Variants in FHIP1A observed in about 807,000 individuals in gnomAD.
FHIP1A encodes the protein FHF complex subunit HOOK-interacting protein 1A.
FHIP1A carries 61 observed loss-of-function variants against 88.6 expected under a neutral mutation model. The observed-to-expected ratio is 0.69, with a 90% CI of 0.56 to 0.85. The LOEUF (loss-of-function observed/expected upper bound fraction) is 0.85, where lower values mean the gene tolerates loss of function less well. FHIP1A is among the 40% of genes least tolerant of loss of function. The pLI is 0.00. For synonymous variants in FHIP1A, 478 were observed against 496.0 expected (o/e 0.96, Z 0.48); for missense variants, 1,154 against 1,273.5 (o/e 0.91, Z 1.43).
rs1287764048 is a variant in FHIP1A, at chr4:151,511,275, A to G, written c.-123+28627A>G. Among the ~76,000 whole-genome samples, 3 of 152,234 alleles carry G rather than the reference A, an allele frequency of 2.0e-5. No individual in the cohort carries two copies. In the East Asian group the frequency reaches 5.8e-4, roughly 29 times the overall value. ...TATTCGTCCATGGGGTAGAGTTAAA[A>G]TATTCATGAAATGCAATCCCGAGGT... On this transcript the variant is annotated intron_variant, in intron 3 of 13. Transcript: ENST00000435205.
At chr4:151,620,606 G>A (rs1735702233) in intron 7 of FHIP1A, among the ~76,000 whole-genome samples, 1 of 152,082 alleles carries the variant, frequency 6.6e-6, no homozygotes, top group African/African-American at 2.4e-5. Flanking sequence ...TAGGCACAGA[G>A]TAAATTTTCA....
At chr4:151,445,845 TTAAAATATATATATATATATA>T (rs1310462516) in intron 1 of FHIP1A, among the ~76,000 whole-genome samples, 1 of 129,750 alleles carries the variant, frequency 7.7e-6, no homozygotes, top group Non-Finnish European at 1.6e-5. Context: ...ACCTCATCTC[TTAAAATATATATATATATATA>T]TATATATTTC....
chr4:151,614,273 A>G (rs116355542), intron 7 of FHIP1A, among the ~76,000 whole-genome samples: 1,907 of 152,178 alleles, frequency 0.013, 39 homozygotes, highest in African/African-American at 0.044. Flanking sequence ...GTTTAAGACC[A>G]TCCTGGGCAA....
Position 151,526,380 on chromosome 4 carries a change from C to CG in FHIP1A, c.-122-39752dup, listed in dbSNP as rs1190437586. Among the ~76,000 whole-genome samples the CG allele has an allele frequency of 6.7e-5, 10 of 150,046 alleles. No homozygotes were observed. The East Asian group carries it at 1.6e-3, about 24-fold the overall frequency. ...CTCCCAGACGAGGCGGCTGGCCGGGCGGGGGGCTGACCCCCCCACCTCCCT... is the reference window on the plus strand; with the variant it reads ...CTCCCAGACGAGGCGGCTGGCCGGGCGGGGGGGCTGACCCCCCCACCTCCCT... On this transcript the variant is annotated intron_variant, in intron 3 of 13. Transcript: ENST00000435205.
intron 4 of FHIP1A, among the ~76,000 whole-genome samples, chr4:151,571,169 C>T (rs1365384330): frequency 1.3e-5 from 2 of 152,216 alleles, no homozygotes; most frequent in Non-Finnish European, 1.5e-5. Context: ...CTATCTGCTC[C>T]TTTCAAGCAT....
intron 2 of FHIP1A, among the ~76,000 whole-genome samples, chr4:151,461,397 G>A (rs1406343055): frequency 6.6e-6 from 1 of 152,124 alleles, no homozygotes; most frequent in Non-Finnish European, 1.5e-5. Context: ...GAGGTATGGT[G>A]GGCATGGCAC....
chr4:151,450,672 T>A (rs772164644), intron 1 of FHIP1A, among the ~76,000 whole-genome samples: 1 of 152,222 alleles, frequency 6.6e-6, no homozygotes, highest in Non-Finnish European at 1.5e-5. Flanking sequence ...CAAATGTCTT[T>A]AAGATTTTTC....
chr4:151,492,728 G>T (rs1580629231), intron 3 of FHIP1A, among the ~76,000 whole-genome samples: 2 of 152,110 alleles, frequency 1.3e-5, no homozygotes, highest in South Asian at 4.1e-4. Flanking sequence ...ATCTGCTGCT[G>T]AATGATCTTT....
chr4:151,479,914 T>C (rs1729836361), intron 2 of FHIP1A, among the ~76,000 whole-genome samples: 1 of 152,088 alleles, frequency 6.6e-6, no homozygotes, highest in African/African-American at 2.4e-5. Flanking sequence ...GTGATATAGC[T>C]ATTACACAGG....
chr4:151,437,435 C>G (rs1450171686), intron 1 of FHIP1A, among the ~76,000 whole-genome samples: 1 of 152,036 alleles, frequency 6.6e-6, no homozygotes, highest in Admixed American at 6.6e-5. Context: ...AATAGGGAAC[C>G]TGGGATCTCC....
chr4:151,609,952 A>G (rs555290161), intron 7 of FHIP1A, among the ~76,000 whole-genome samples: 12 of 152,370 alleles, frequency 7.9e-5, no homozygotes, highest in African/African-American at 2.9e-4. Flanking sequence ...TAAACTTAAA[A>G]TAGAGAGCAA....
chr4:151,626,815 T>A (rs148029887), intron 7 of FHIP1A, among the ~76,000 whole-genome samples: 1 of 152,340 alleles, frequency 6.6e-6, no homozygotes, highest in Non-Finnish European at 1.5e-5. Flanking sequence ...AAGATGCTAC[T>A]TTCCAGTCTT....
At position 151,656,796 on chromosome 4, in the gene FHIP1A, G is replaced by A; in HGVS notation, c.2767G>A (p.Ala923Thr). ...TGTGAAAAACAAGATTGAACAGTTT[G>A]CTTCTGTGGAGAGAGACTTCCCAGG... Reference protein sequence around the residue: ...ASVKNKIEQFASVERDFPGLL... With the variant: ...ASVKNKIEQFTSVERDFPGLL... Residue 923 changes from alanine (A) to threonine (T), a missense_variant, in exon 13 of 14, where the codon GCT (alanine) becomes ACT (threonine). Coordinates refer to ENST00000435205, the MANE Select transcript of FHIP1A (RefSeq NM_001109977.3). This position sits in a 1 kb window ranked among gnomAD's most constrained non-coding sequence, Gnocchi z 4.2. 6.4e-7 allele frequency: 1 copy of A among 1,551,698 alleles called. No homozygotes were observed. The highest frequency in any genetic ancestry group is 8.7e-7 in the Non-Finnish European group (1 of 1,146,980).
At position 151,577,994 on chromosome 4, in the gene FHIP1A, A is replaced by G. The variant is rs1429958875; in HGVS notation, c.650A>G (p.Asp217Gly). The G allele has an allele frequency of 7.1e-6, 11 of 1,550,060 alleles. No individual in the cohort carries two copies. Among genetic ancestry groups the G allele is most frequent in the Non-Finnish European group, 8.7e-6 (10 of 1,146,720 alleles). ...GGGTCAGTAGGCCAGCAAGCTCGGG[A>G]TGCATTGCTCTTCATCATGTCTCTT... The part of the protein sequence containing the change: ...REGSVGQQAR[D>G]ALLFIMSLSA... The change falls in exon 5 of 14, where the codon GAT becomes GGT. Residue 217 changes from aspartate (D) to glycine (G), a missense_variant. Transcript: ENST00000435205.
At chr4:151,589,600 A>G (rs971548233) in intron 7 of FHIP1A, among the ~76,000 whole-genome samples, 1 of 152,168 alleles carries the variant, frequency 6.6e-6, no homozygotes, top group South Asian at 2.1e-4. Flanking sequence ...CTTTGTCAAG[A>G]TTTTGGAATC....
intron 7 of FHIP1A, among the ~76,000 whole-genome samples, chr4:151,591,135 G>A (rs984960487): frequency 4.6e-5 from 7 of 151,374 alleles, no homozygotes; most frequent in Admixed American, 1.3e-4. Context: ...GGTTAGGGAC[G>A]GAGCAGGCCA....
At chr4:151,473,029 G>A (rs1213822775) in intron 2 of FHIP1A, among the ~76,000 whole-genome samples, 2 of 152,088 alleles carry the variant, frequency 1.3e-5, no homozygotes, top group East Asian at 3.8e-4. Flanking sequence ...CCAGGAAAGG[G>A]TCTCCTTACT....
chr4:151,600,942 A>C (rs554168286), intron 7 of FHIP1A, among the ~76,000 whole-genome samples: 19 of 152,292 alleles, frequency 1.2e-4, no homozygotes, highest in Middle Eastern at 3.4e-3. Context: ...TCACACAGAG[A>C]CCACTCAATT....
At chr4:151,435,425 T>G (rs1728133102) in intron 1 of FHIP1A, among the ~76,000 whole-genome samples, 1 of 152,174 alleles carries the variant, frequency 6.6e-6, no homozygotes, top group Admixed American at 6.5e-5. Flanking sequence ...TAAAGGGGTA[T>G]CTGTGATGAC....
Sources: allele counts gnomAD v4.1 joint callset (sites outside exome capture counted in the v4.1 genomes callset), GRCh38; gene constraint gnomAD v4.1.1; non-coding constraint Gnocchi (gnomAD v3.1); transcripts MANE v1.5; gene names NCBI Gene and HGNC (gene_info 2026-07-23, HGNC 2026-07-21).